Variants in PNN observed in about 807,000 individuals in gnomAD.
PNN encodes the protein pinin, desmosome associated protein, also known as pinin.
Under a neutral mutation model 76.6 loss-of-function variants are expected in PNN, and 38 were observed. That is an observed-to-expected ratio of 0.50 (90% CI 0.38 to 0.65). The LOEUF is 0.65. Ranked by LOEUF, PNN falls within the 30% of genes least tolerant of loss-of-function variation. PNN has a pLI of 0.00. For missense variants in PNN, 873 were observed against 874.1 expected, an observed-to-expected ratio of 1.00 and a Z score of 0.02; for synonymous variants, 366 against 283.7, an observed-to-expected ratio of 1.29 and a Z score of -2.91.
chr14:39,181,949 C>T lies in PNN; in HGVS notation c.*86C>T. 7.4e-7 allele frequency: 1 copy of T among 1,350,648 alleles called. No individual in the cohort carries two copies. Among genetic ancestry groups the T allele is most frequent in the Admixed American group, 2.5e-5 (1 of 40,166 alleles). The allele number at this position is 1,350,648 out of a possible 1,614,324, so 83.7% of individuals were successfully genotyped here. ...ATTACCTTTCCTTGTAAAGAGGATG[C>T]TGCCTTAAGAATTGCATGTTGTAAA... is the stretch of plus-strand genomic sequence containing the variant. On this transcript the variant is annotated 3_prime_UTR_variant, in exon 9 of 9. Transcript: ENST00000216832.
chr14:39,179,537 C>T, intron 8 of PNN, 75 bp downstream of exon 8: 2 of 1,197,108 alleles, frequency 1.7e-6, no homozygotes, highest in South Asian at 1.6e-5. Flanking sequence ...CGTTTGTTTT[C>T]TAAAATAATT....
rs1162409651 is a variant in PNN at position 39,180,815 on chromosome 14, A to G, written c.1106A>G (p.Glu369Gly). Residue 369 changes from glutamate (E) to glycine (G), a missense_variant, in exon 9 of 9, where the codon GAA (glutamate) becomes GGA (glycine). Transcript: ENST00000216832. ...GAAATGGAGGTTAAGATGGAGGAGG[A>G]AACTGAGGTAAGGGAAAGTGAGAAG... Reference protein sequence around the residue: ...KQEMEVKMEEETEVRESEKQQ... With the variant: ...KQEMEVKMEEGTEVRESEKQQ... 3.1e-6 allele frequency: 5 copies of G among 1,613,804 alleles called. No individual in the cohort carries two copies. Among genetic ancestry groups the G allele is most frequent in the Non-Finnish European group, 3.4e-6 (4 of 1,179,824 alleles).
Position 39,180,995 on chromosome 14 carries a change from T to C in PNN, c.1286T>C (p.Met429Thr). Residue 429 changes from methionine (M) to threonine (T), a missense_variant, in exon 9 of 9, where the codon ATG becomes ACG. Physicochemically the swap from Met to Thr is moderately conservative, Grantham distance 81. Around this residue, in one of 3 missense-constraint regions of PNN, gnomAD observed 712 missense variants for 693.1 expected, o/e 1.03. Transcript: ENST00000216832. ...NEASKELEPE[M>T]EFEIEPDKEC... ...GCTAGCAAAGAATTGGAACCAGAAA[T>C]GGAATTTGAAATTGAGCCAGATAAA... 2 of 1,613,322 alleles carry C rather than the reference T, an allele frequency of 1.2e-6. No individual in the cohort carries two copies. The highest frequency in any genetic ancestry group is 2.2e-5 in the South Asian group (2 of 90,978).
intron 6 of PNN, among the ~76,000 whole-genome samples, chr14:39,178,330 G>T (rs865788189): frequency 2.0e-5 from 3 of 151,976 alleles, no homozygotes; most frequent in Admixed American, 6.5e-5. Flanking sequence ...GAAGTTTTTC[G>T]AGACCAGCCT....
rs780618413 is a variant in PNN at position 39,179,340 on chromosome 14, A to C, written c.671A>C (p.Glu224Ala). 9 of 1,610,928 alleles carry C rather than the reference A, an allele frequency of 5.6e-6. No homozygotes were observed. Among genetic ancestry groups the C allele is most frequent in the Non-Finnish European group, 5.9e-6 (7 of 1,178,972 alleles). ...ELAQLQEEWN[E>A]HNAKIIKYIR... ...TTTCTTTAGCAAGAAGAATGGAATG[A>C]ACATAATGCCAAAATAATTAAATAT... The change falls in exon 8 of 9, where the codon GAA (glutamate) becomes GCA (alanine). Residue 224 changes from glutamate to alanine, a missense_variant. By Grantham distance (107) the Glu-to-Ala change is moderately radical. Transcript: ENST00000216832.
Position 39,180,701 on chromosome 14 carries a change from T to C in PNN, c.992T>C (p.Ile331Thr), listed in dbSNP as rs2053262719. 3 of 1,604,368 alleles carry C rather than the reference T, an allele frequency of 1.9e-6. No individual in the cohort carries two copies. The highest frequency in any genetic ancestry group is 2.6e-6 in the Non-Finnish European group (3 of 1,174,806). The change falls in exon 9 of 9, where the codon ATA becomes ACA. Residue 331 changes from isoleucine (I) to threonine (T), a missense_variant. Ile to Thr is a moderately conservative substitution (Grantham distance 89). Transcript: ENST00000216832. ...ETGNQHNDVEIEEAGEEEEKE... is the reference protein window; with the variant it reads ...ETGNQHNDVETEEAGEEEEKE... ...GGTAATCAGCACAATGATGTAGAAA[T>C]AGAGGAAGCAGGAGAGGAAGAGGAA...
Position 39,182,540 on chromosome 14 carries a change from T to A in PNN, c.*677T>A, listed in dbSNP as rs1358311862. On this transcript the variant is annotated 3_prime_UTR_variant, in exon 9 of 9. Coordinates refer to ENST00000216832, the MANE Select transcript of PNN (RefSeq NM_002687.4). ...TTCGGTAGATAACTAAACAGTATGA[T>A]CTGGTTGGCATTTTCTTCCTGATGA... The A allele has an allele frequency of 6.5e-6, 1 of 152,724 alleles. No homozygotes were observed. Among genetic ancestry groups the A allele is most frequent in the Middle Eastern group, 3.4e-3 (1 of 294 alleles). 9.5% of individuals were successfully genotyped at this position (152,724 alleles called of 1,614,324 possible).
At chr14:39,175,992 CCTT>C in intron 1 of PNN, 83 bp from the exon 2 acceptor site, 1 of 727,568 alleles carries the variant, frequency 1.4e-6, no homozygotes, top group Admixed American at 2.4e-5. Context: ...GATTTTTTCT[CCTT>C]ATGATCCACA....
At chr14:39,179,556 G>T (rs781112782) in intron 8 of PNN, 94 bp downstream of exon 8, 2 of 1,103,322 alleles carry the variant, frequency 1.8e-6, no homozygotes, top group Non-Finnish European at 2.6e-6. Flanking sequence ...TTATGATTCA[G>T]TGATTGGTTT....
chr14:39,180,320 A>G (rs537610263), intron 8 of PNN, among the ~76,000 whole-genome samples, 183 bp from the exon 9 acceptor site: 10 of 152,338 alleles, frequency 6.6e-5, no homozygotes, highest in East Asian at 3.9e-4. Flanking sequence ...TAGATTTCCC[A>G]TGGATCTTTG....
chr14:39,177,286 T>G lies in PNN; in HGVS notation c.255-126T>G, dbSNP rs536331153. On this transcript the variant is annotated intron_variant, in intron 3 of 8. Coordinates refer to ENST00000216832, the MANE Select transcript of PNN (RefSeq NM_002687.4). ...CTGTAGTCCCAGCTGCTTGGGAGGA[T>G]GAGGCAGGAGGATCACTTGAGCCTG... The G allele has an allele frequency of 5.7e-6, 4 of 706,190 alleles. No individual in the cohort carries two copies. The Admixed American group carries it at 1.1e-4, about 19-fold the overall frequency. 43.7% of individuals were successfully genotyped at this position (706,190 alleles called of 1,614,324 possible).
Position 39,180,730 on chromosome 14 carries a change from G to A in PNN, c.1021G>A (p.Glu341Lys), listed in dbSNP as rs1422663870. The stretch of plus-strand genomic sequence containing the variant: ...GGAAGCAGGAGAGGAAGAGGAAAAG[G>A]AAATAGCGATTGTTCATAGTGATGC... ...IEEAGEEEEKEIAIVHSDAEK... is the reference protein window; with the variant it reads ...IEEAGEEEEKKIAIVHSDAEK... Residue 341 changes from glutamate to lysine, a missense_variant, in exon 9 of 9, where the codon GAA (glutamate) becomes AAA (lysine). Physicochemically the swap from Glu to Lys is moderately conservative, Grantham distance 56. Around this residue, in one of 3 missense-constraint regions of PNN, gnomAD observed 712 missense variants for 693.1 expected, o/e 1.03. Coordinates refer to ENST00000216832, the MANE Select transcript of PNN (RefSeq NM_002687.4). 1 of 1,596,624 alleles carries A rather than the reference G, an allele frequency of 6.3e-7. No individual in the cohort carries two copies. Among genetic ancestry groups the A allele is most frequent in the South Asian group, 1.1e-5 (1 of 89,364 alleles).
At position 39,181,482 on chromosome 14, in the gene PNN, C is replaced by T. The variant is rs778542691; in HGVS notation, c.1773C>T (p.Ser591=). Residue 591 remains serine, a synonymous_variant, in exon 9 of 9, where the codon AGC becomes AGT. Coordinates refer to ENST00000216832, the MANE Select transcript of PNN (RefSeq NM_002687.4). ...SSSSSSSTSS[S]SGSSSSSGSS... The stretch of plus-strand genomic sequence containing the variant: ...CTAGTAGCAGTTCAACCAGTAGCAG[C>T]AGTGGAAGTAGTTCCAGCAGTGGAA... 1 of 1,605,918 alleles carries T rather than the reference C, an allele frequency of 6.2e-7. No homozygotes were observed. The highest frequency in any genetic ancestry group is 8.5e-7 in the Non-Finnish European group (1 of 1,176,050).
At chr14:39,175,518 G>A in intron 1 of PNN, 126 bp downstream of exon 1, 2 of 688,968 alleles carry the variant, frequency 2.9e-6, no homozygotes, top group East Asian at 5.6e-5. Context: ...TTCGCGGGGC[G>A]GCGGGTAAAA....
intron 6 of PNN, among the ~76,000 whole-genome samples, chr14:39,178,517 G>A (rs899232185): frequency 1.3e-5 from 2 of 151,590 alleles, no homozygotes; most frequent in Admixed American, 6.6e-5. Context: ...GGCAACAGGC[G>A]CAAAACTCCA....
At position 39,180,618 on chromosome 14, in the gene PNN, G is replaced by A. The variant is rs1065611; in HGVS notation, c.909G>A (p.Gln303=). Residue 303 remains glutamine (Q), a synonymous_variant, in exon 9 of 9, where the codon CAG becomes CAA. Coordinates refer to ENST00000216832, the MANE Select transcript of PNN (RefSeq NM_002687.4). ...ATCAGGTGGTGCGTAATGAAGAACA[G>A]AAGGCGGAACAAGAAGAGGGTAAGG... ...KEHQVVRNEE[Q]KAEQEEGKVA... is the part of the protein sequence containing the mutation. The A allele has an allele frequency of 6.2e-7, 1 of 1,613,942 alleles. No homozygotes were observed. The highest frequency in any genetic ancestry group is 8.5e-7 in the Non-Finnish European group (1 of 1,179,952).
rs749913924 is a variant in PNN at position 39,180,823 on chromosome 14, G to T, written c.1114G>T (p.Val372Leu). ...GGTTAAGATGGAGGAGGAAACTGAG[G>T]TAAGGGAAAGTGAGAAGCAGCAGGA... ...MEVKMEEETE[V>L]RESEKQQDSQ... Residue 372 changes from valine to leucine, a missense_variant, in exon 9 of 9, where the codon GTA becomes TTA. Coordinates refer to ENST00000216832, the MANE Select transcript of PNN (RefSeq NM_002687.4). 6.2e-7 allele frequency: 1 copy of T among 1,613,968 alleles called. No homozygotes were observed. Among genetic ancestry groups the T allele is most frequent in the East Asian group, 2.2e-5 (1 of 44,874 alleles).
chr14:39,179,550 G>A, intron 8 of PNN, 88 bp downstream of exon 8: 1 of 1,110,910 alleles, frequency 9.0e-7, no homozygotes. Context: ...AAATAATTAT[G>A]ATTCAGTGAT....
In PNN at chr14:39,181,946, A is replaced by T. The variant is rs1594558141; in HGVS notation, c.*83A>T. ...AGGATTACCTTTCCTTGTAAAGAGGATGCTGCCTTAAGAATTGCATGTTGT... is the reference window on the plus strand; with the variant it reads ...AGGATTACCTTTCCTTGTAAAGAGGTTGCTGCCTTAAGAATTGCATGTTGT... On this transcript the variant is annotated 3_prime_UTR_variant, in exon 9 of 9. Coordinates refer to ENST00000216832, the MANE Select transcript of PNN (RefSeq NM_002687.4). The T allele has an allele frequency of 5.1e-6, 7 of 1,359,276 alleles. No individual in the cohort carries two copies. Among genetic ancestry groups the T allele is most frequent in the Middle Eastern group, 1.9e-4 (1 of 5,338 alleles). The allele number at this position is 1,359,276 out of a possible 1,614,324, so 84.2% of individuals were successfully genotyped here. A position where few individuals can be genotyped will look rare whatever the true frequency, so the allele number is the denominator to read the frequency against.
Sources: gnomAD v4.1 joint callset for allele counts (sites outside exome capture counted in the v4.1 genomes callset) on GRCh38, gnomAD v4.1.1 for gene constraint, gnomAD v4.1.1 regional missense constraint, MANE v1.5 for transcripts, NCBI Gene and HGNC (gene_info 2026-07-23, HGNC 2026-07-21) for gene names.